The following KCNH1 variants were observed in gnomAD, a reference collection of about 807,000 sequenced individuals.
KCNH1 encodes voltage-gated delayed rectifier potassium channel KCNH1.
A neutral mutation model predicts 69.2 loss-of-function variants in KCNH1; 27 were observed. The observed-to-expected ratio is 0.39, with a 90% CI of 0.29 to 0.54. KCNH1 has a LOEUF of 0.54. Among genes scored for constraint, KCNH1 ranks in the 20% least tolerant of loss-of-function variants. KCNH1 has a pLI of 0.68. For missense variants in KCNH1, 798 were observed against 1,261.6 expected (o/e 0.63, Z 5.57); for synonymous variants, 456 against 487.7 (o/e 0.93, Z 0.86).
intron 7 of KCNH1, among the ~76,000 whole-genome samples, chr1:210,903,301 G>C (rs982736896): frequency 6.6e-6 from 1 of 152,088 alleles, no homozygotes; most frequent in Non-Finnish European, 1.5e-5. Context: ...TGCTGCCTCT[G>C]GAAGTTTTGT....
intron 7 of KCNH1, among the ~76,000 whole-genome samples, chr1:210,913,699 G>C (rs1218736648): frequency 6.6e-6 from 1 of 152,188 alleles, no homozygotes; most frequent in African/African-American, 2.4e-5. Context: ...TCAACTGACG[G>C]AATAAGACTA....
intron 7 of KCNH1, among the ~76,000 whole-genome samples, chr1:210,913,335 G>A (rs536514949): frequency 5.3e-5 from 8 of 151,466 alleles, no homozygotes; most frequent in African/African-American, 1.9e-4. Context: ...TCATGCTCCC[G>A]AGAAGGGAGT....
chr1:210,913,334 C>T (rs189482071), intron 7 of KCNH1, among the ~76,000 whole-genome samples: 9 of 151,234 alleles, frequency 6.0e-5, no homozygotes, highest in African/African-American at 1.7e-4. Flanking sequence ...CTCATGCTCC[C>T]GAGAAGGGAG....
At chr1:211,117,480 C>T (rs902190440) in intron 1 of KCNH1, among the ~76,000 whole-genome samples, 6 of 152,114 alleles carry the variant, frequency 3.9e-5, no homozygotes, top group East Asian at 1.9e-4. Flanking sequence ...GTGAAAAGTC[C>T]GGCCATGCTA....
intron 10 of KCNH1, among the ~76,000 whole-genome samples, chr1:210,748,430 C>T (rs189006129): frequency 6.6e-6 from 1 of 152,192 alleles, no homozygotes; most frequent in African/African-American, 2.4e-5. Flanking sequence ...CATAATCCCT[C>T]TCCTCGAAAT....
At chr1:210,947,085 T>A (rs2102594645) in intron 6 of KCNH1, among the ~76,000 whole-genome samples, 1 of 152,336 alleles carries the variant, frequency 6.6e-6, no homozygotes, top group East Asian at 1.9e-4. Flanking sequence ...TAGAACCTAC[T>A]GTTCTTGTGC....
At chr1:210,698,963 ACT>A (rs1301420827) in intron 10 of KCNH1, among the ~76,000 whole-genome samples, 4 of 151,768 alleles carry the variant, frequency 2.6e-5, no homozygotes, top group East Asian at 1.9e-4. Context: ...TGAAAATGAG[ACT>A]CTCTTTCCTT....
intron 7 of KCNH1, among the ~76,000 whole-genome samples, chr1:210,850,064 C>T (rs1228992472): frequency 6.6e-6 from 1 of 152,014 alleles, no homozygotes; most frequent in Non-Finnish European, 1.5e-5. Context: ...ATGAGCAAAA[C>T]TAGATAGAAT....
At chr1:210,757,996 T>A (rs1433283112) in intron 10 of KCNH1, among the ~76,000 whole-genome samples, 5 of 152,204 alleles carry the variant, frequency 3.3e-5, no homozygotes, top group African/African-American at 4.8e-5. Flanking sequence ...ACCCATCAGC[T>A]AGGGAAGCTC....
chr1:210,746,445 C>T (rs1683160970), intron 10 of KCNH1, among the ~76,000 whole-genome samples: 1 of 152,120 alleles, frequency 6.6e-6, no homozygotes, highest in Admixed American at 6.5e-5. Context: ...GCTTCAAGTC[C>T]AGCCCTCTTT....
intron 7 of KCNH1, among the ~76,000 whole-genome samples, chr1:210,905,280 G>A (rs1244694156): frequency 6.6e-6 from 1 of 152,072 alleles, no homozygotes; most frequent in Non-Finnish European, 1.5e-5. Flanking sequence ...CATCTCACAG[G>A]GTTATCAGGA....
chr1:211,118,270 G>A (rs1185605703), intron 1 of KCNH1, among the ~76,000 whole-genome samples: 1 of 152,164 alleles, frequency 6.6e-6, no homozygotes, highest in Admixed American at 6.5e-5. Flanking sequence ...AGTAGAATAT[G>A]TAACTTCCAA....
intron 7 of KCNH1, chr1:210,861,715 T>C (rs532184687): frequency 2.6e-5 from 20 of 774,694 alleles, no homozygotes; most frequent in Admixed American, 2.2e-4. Flanking sequence ...CTGATCAGAC[T>C]GGTCAGAAAG....
At chr1:210,828,694 G>C (rs1353953519) in intron 7 of KCNH1, among the ~76,000 whole-genome samples, 4 of 152,156 alleles carry the variant, frequency 2.6e-5, no homozygotes, top group African/African-American at 9.7e-5. Context: ...TTGAGTTAAA[G>C]TAAGTTGTTG....
rs1469527539 is a variant in KCNH1, at chr1:211,055,946, G to C, written c.558+26834C>G. 2.6e-5 allele frequency among the ~76,000 whole-genome samples: 4 copies of C among 152,380 alleles called. No homozygotes were observed. The South Asian group carries it at 8.3e-4, about 32-fold the overall frequency. On this transcript the variant is annotated intron_variant, in intron 5 of 10. Coordinates refer to ENST00000271751, the MANE Select transcript of KCNH1 (RefSeq NM_172362.3). Reference sequence around the variant, plus strand: ...AGTGCTCACCCCAGGCCTTGGGTAAGAGTCAGAGCCATGCTGGCTTCAGGT... The same window carrying C: ...AGTGCTCACCCCAGGCCTTGGGTAACAGTCAGAGCCATGCTGGCTTCAGGT...
intron 10 of KCNH1, among the ~76,000 whole-genome samples, chr1:210,732,917 C>A (rs184782704): frequency 6.6e-6 from 1 of 152,250 alleles, no homozygotes; most frequent in Non-Finnish European, 1.5e-5. Flanking sequence ...GGGGGAAACA[C>A]GAACATTCAG....
chr1:210,849,325 C>T, intron 7 of KCNH1, among the ~76,000 whole-genome samples: 2 of 151,186 alleles, frequency 1.3e-5, no homozygotes, highest in East Asian at 3.9e-4. Flanking sequence ...TGGTTTTAAG[C>T]CATGAGCCTT....
chr1:210,892,115 T>C (rs1686762188), intron 7 of KCNH1, among the ~76,000 whole-genome samples: 1 of 151,844 alleles, frequency 6.6e-6, no homozygotes. Flanking sequence ...CTAATGTAGA[T>C]CACAGGTTGA....
intron 6 of KCNH1, among the ~76,000 whole-genome samples, chr1:210,931,904 G>C (rs1687687218): frequency 6.7e-6 from 1 of 150,296 alleles, no homozygotes; most frequent in Non-Finnish European, 1.5e-5. Flanking sequence ...AACAATTTCT[G>C]AACTTGAGAC....
Sources: allele counts gnomAD v4.1 joint callset (sites outside exome capture counted in the v4.1 genomes callset), GRCh38; gene constraint gnomAD v4.1.1; transcripts MANE v1.5; gene names NCBI Gene and HGNC (gene_info 2026-07-23, HGNC 2026-07-21).